Variants in KMT2A observed in about 807,000 individuals in gnomAD.
KMT2A encodes the protein lysine methyltransferase 2A, also known as histone-lysine N-methyltransferase 2A.
KMT2A carries 16 observed loss-of-function variants against 345.3 expected under a neutral mutation model. That is an observed-to-expected ratio of 0.05 (90% CI 0.03 to 0.07). KMT2A has a LOEUF of 0.07. Among genes scored for constraint, KMT2A ranks in the 10% least tolerant of loss-of-function variants. The pLI is 1.00. For missense variants in KMT2A, 3,272 were observed against 4,841.6 expected (o/e 0.68, Z 9.62); for synonymous variants, 1,599 against 1,778.6 (o/e 0.90, Z 2.54).
intron 1 of KMT2A, among the ~76,000 whole-genome samples, chr11:118,459,741 C>T (rs1291182333): frequency 6.6e-6 from 1 of 151,864 alleles, no homozygotes; most frequent in Non-Finnish European, 1.5e-5. Context: ...GCTCTTGGCT[C>T]ACTGCAACCT....
chr11:118,518,648 T>A (rs1346778033), intron 31 of KMT2A, among the ~76,000 whole-genome samples: 1 of 151,644 alleles, frequency 6.6e-6, no homozygotes, highest in African/African-American at 2.4e-5. Context: ...CTGGGCATGG[T>A]GACGTGCCCC....
At chr11:118,460,483 C>T (rs1449942076) in intron 1 of KMT2A, among the ~76,000 whole-genome samples, 2 of 151,886 alleles carry the variant, frequency 1.3e-5, no homozygotes, top group African/African-American at 4.8e-5. Flanking sequence ...AGATGGGGGT[C>T]TCACCATGTT....
chr11:118,495,100 T>G lies in KMT2A; in HGVS notation c.5363+333T>G, dbSNP rs1950384757. 6.6e-6 allele frequency among the ~76,000 whole-genome samples: 1 copy of G among 152,178 alleles called. No homozygotes were observed. The highest frequency in any genetic ancestry group is 2.1e-4 in the South Asian group (1 of 4,832). On this transcript the variant is annotated intron_variant, in intron 18 of 35. Transcript: ENST00000534358. This position sits in a 1 kb window ranked among gnomAD's most constrained non-coding sequence, Gnocchi z 4.1. ...TGGTGCTTTGTACTGCTCTTGATTT[T>G]CCATATGTAACCTTTAATTTTTATT...
chr11:118,442,082 T>C (rs147438330), intron 1 of KMT2A, among the ~76,000 whole-genome samples: 2 of 152,314 alleles, frequency 1.3e-5, no homozygotes, highest in African/African-American at 4.8e-5. Flanking sequence ...AAGATCTCTT[T>C]GTGCCTGCCC....
chr11:118,503,676 C>T lies in KMT2A; in HGVS notation c.7784C>T (p.Pro2595Leu), dbSNP rs1555046817. 2 of 1,614,158 alleles carry T rather than the reference C, an allele frequency of 1.2e-6. No individual in the cohort carries two copies. The highest frequency in any genetic ancestry group is 2.2e-5 in the South Asian group (2 of 91,076). Reference sequence around the variant, plus strand: ...CAAAGTAACAACTATCAGAATCTTCCAGTACAGGACAGAAACCTAATGCTT... The same window carrying T: ...CAAAGTAACAACTATCAGAATCTTCTAGTACAGGACAGAAACCTAATGCTT... Reference protein sequence around the residue: ...DSQSNNYQNLPVQDRNLMLPD... With the variant: ...DSQSNNYQNLLVQDRNLMLPD... Residue 2595 changes from proline (P) to leucine (L), a missense_variant, in exon 27 of 36, where the codon CCA becomes CTA. Transcript: ENST00000534358. This position sits in a 1 kb window ranked among gnomAD's most constrained non-coding sequence, Gnocchi z 5.3.
chr11:118,494,585 G>T lies in KMT2A; in HGVS notation c.5290-109G>T. ...GCCAGAGTGGATGGATCTTTCTCTT[G>T]GTGGCCTGAAATTATCCTCGTATTA... On this transcript the variant is annotated intron_variant, in intron 17 of 35. Coordinates refer to ENST00000534358, the MANE Select transcript of KMT2A (RefSeq NM_001197104.2). The surrounding 1 kb of genome is among the most constrained non-coding windows in gnomAD (Gnocchi z 5.8). 2 of 1,014,994 alleles carry T rather than the reference G, an allele frequency of 2.0e-6. No individual in the cohort carries two copies. Among genetic ancestry groups the T allele is most frequent in the Non-Finnish European group, 3.0e-6 (2 of 675,418 alleles). The allele number at this position is 1,014,994 out of a possible 1,614,324, so 62.9% of individuals were successfully genotyped here.
At chr11:118,454,256 G>A (rs139242749) in intron 1 of KMT2A, among the ~76,000 whole-genome samples, 122 of 152,256 alleles carry the variant, frequency 8.0e-4, no homozygotes, top group Non-Finnish European at 1.6e-3. Flanking sequence ...TCCTTACTAT[G>A]GCCAACAAAG....
chr11:118,506,622 C>T lies in KMT2A; in HGVS notation c.10730C>T (p.Thr3577Met), dbSNP rs782625001. The T allele has an allele frequency of 1.6e-5, 25 of 1,606,982 alleles. No homozygotes were observed. The highest frequency in any genetic ancestry group is 2.0e-5 in the Non-Finnish European group (23 of 1,175,710). ...GAAGCACACATTCCAGACCAAGAAA[C>T]GACATCCCTGACCTCAGGCACAGGG... ...SSEAHIPDQE[T>M]TSLTSGTGTP... Residue 3577 changes from threonine to methionine, a missense_variant, in exon 27 of 36, where the codon ACG (threonine) becomes ATG (methionine). Thr to Met is a moderately conservative substitution (Grantham distance 81). This residue lies in a region of KMT2A where 748 missense variants were observed against 922.2 expected (regional missense o/e 0.81). Coordinates refer to ENST00000534358, the MANE Select transcript of KMT2A (RefSeq NM_001197104.2).
In KMT2A at chr11:118,503,699, C is replaced by G. The variant is rs138785863; in HGVS notation, c.7807C>G (p.Leu2603Val). 1.2e-6 allele frequency: 2 copies of G among 1,614,160 alleles called. No homozygotes were observed. The highest frequency in any genetic ancestry group is 2.7e-5 in the African/African-American group (2 of 75,022). Residue 2603 changes from leucine (L) to valine (V), a missense_variant, in exon 27 of 36, where the codon CTT becomes GTT. By Grantham distance (32) the Leu-to-Val change is conservative (BLOSUM62 1). Transcript: ENST00000534358. This position sits in a 1 kb window ranked among gnomAD's most constrained non-coding sequence, Gnocchi z 5.3. ...NLPVQDRNLM[L>V]PDGPKPQEDG... is the part of the protein sequence containing the mutation. ...TCCAGTACAGGACAGAAACCTAATG[C>G]TTCCAGATGGCCCCAAACCTCAGGA...
intron 31 of KMT2A, 173 bp from the exon 32 acceptor site, chr11:118,519,445 C>G: frequency 7.0e-6 from 4 of 572,478 alleles, no homozygotes; most frequent in Non-Finnish European, 9.4e-6. Context: ...ATTGATAGAT[C>G]TGTATCAGCA....
intron 1 of KMT2A, among the ~76,000 whole-genome samples, chr11:118,457,866 G>A (rs9332756): frequency 0.014 from 2,077 of 152,000 alleles, 53 homozygotes; most frequent in African/African-American, 0.047. Context: ...AGCATAGCAG[G>A]CAACATACGA....
chr11:118,440,966 A>G (rs561748420), intron 1 of KMT2A, among the ~76,000 whole-genome samples: 14 of 152,154 alleles, frequency 9.2e-5, no homozygotes, highest in Non-Finnish European at 1.8e-4. Context: ...CATCTCCGTT[A>G]CTGAACAGTT....
intron 1 of KMT2A, among the ~76,000 whole-genome samples, chr11:118,466,897 A>G (rs897694009): frequency 3.3e-5 from 5 of 152,128 alleles, no homozygotes; most frequent in Non-Finnish European, 7.4e-5. Flanking sequence ...AGAAACTGTA[A>G]AAAGTACTCC....
At chr11:118,511,153 G>T (rs1432200007) in intron 30 of KMT2A, among the ~76,000 whole-genome samples, 1 of 152,160 alleles carries the variant, frequency 6.6e-6, no homozygotes, top group Admixed American at 6.5e-5. Flanking sequence ...CTCTATATGA[G>T]ACAGATTGAG....
intron 25 of KMT2A, among the ~76,000 whole-genome samples, 199 bp from the exon 26 acceptor site, chr11:118,501,473 A>G (rs1350671950): frequency 1.4e-5 from 2 of 145,124 alleles, no homozygotes; most frequent in African/African-American, 2.5e-5. Flanking sequence ...TGTCTCAAAG[A>G]AAAAAAAAAA....
chr11:118,502,750 TTCA>T lies in KMT2A; in HGVS notation c.6861_6863del (p.Ser2289del), dbSNP rs782200648. On this transcript the variant is annotated inframe_deletion, in exon 27 of 36. Coordinates refer to ENST00000534358, the MANE Select transcript of KMT2A (RefSeq NM_001197104.2). This position sits in a 1 kb window ranked among gnomAD's most constrained non-coding sequence, Gnocchi z 4.9. ...ATAAAAACAGTCACTTGGATGGATC[TTCA>T]TCTTCAGAAATGAAGCAGTCCAGTG... 11 of 1,614,014 alleles carry T rather than the reference TTCA, an allele frequency of 6.8e-6. No individual in the cohort carries two copies. Among genetic ancestry groups the T allele is most frequent in the Middle Eastern group, 1.6e-4 (1 of 6,084 alleles).
Position 118,524,832 on chromosome 11 carries a change from AC to A in KMT2A, c.*2662del, listed in dbSNP as rs1344377633. On this transcript the variant is annotated 3_prime_UTR_variant, in exon 36 of 36. Transcript: ENST00000534358. ...GGGTGGGGGGAACTCAGCTAAATAG[AC>A]CTAGTTACTGCCCTGCTAGGCCATG... 1 of 185,544 alleles carries A rather than the reference AC, an allele frequency of 5.4e-6. No homozygotes were observed. The highest frequency in any genetic ancestry group is 1.1e-5 in the Non-Finnish European group (1 of 87,722). 11.5% of individuals were successfully genotyped at this position (185,544 alleles called of 1,614,324 possible).
rs782456246 is a variant in KMT2A, at chr11:118,506,013, G to C, written c.10121G>C (p.Gly3374Ala). 1 of 1,614,144 alleles carries C rather than the reference G, an allele frequency of 6.2e-7. No homozygotes were observed. Among genetic ancestry groups the C allele is most frequent in the South Asian group, 1.1e-5 (1 of 91,084 alleles). The change falls in exon 27 of 36, where the codon GGT (glycine) becomes GCT (alanine). Residue 3374 changes from glycine (G) to alanine (A), a missense_variant. Physicochemically the swap from Gly to Ala is moderately conservative, Grantham distance 60. This residue lies in a region of KMT2A where 748 missense variants were observed against 922.2 expected (regional missense o/e 0.81). Transcript: ENST00000534358. ...ACCTTAACCAACCCAAGGTTGCTTGGTACCCCAGATATTGGCTCAATAAGC... is the reference window on the plus strand; with the variant it reads ...ACCTTAACCAACCCAAGGTTGCTTGCTACCCCAGATATTGGCTCAATAAGC... ...HVTLTNPRLL[G>A]TPDIGSISNL...
intron 11 of KMT2A, 39 bp from the exon 12 acceptor site, chr11:118,489,753 A>G: frequency 6.4e-7 from 1 of 1,554,036 alleles, no homozygotes; most frequent in South Asian, 1.1e-5. Context: ...GGTGAAGGTA[A>G]TATGATGCTT....
Sources: allele counts gnomAD v4.1 joint callset (sites outside exome capture counted in the v4.1 genomes callset), GRCh38; gene constraint gnomAD v4.1.1; regional missense constraint gnomAD v4.1.1; non-coding constraint Gnocchi (gnomAD v3.1); transcripts MANE v1.5; gene names NCBI Gene and HGNC (gene_info 2026-07-23, HGNC 2026-07-21).